The following ARB2A variants were observed in gnomAD, a reference collection of about 807,000 sequenced individuals.
The protein encoded by ARB2A is ARB2 cotranscriptional regulator A.
the ARB2A span, among the ~76,000 whole-genome samples, chr5:94,062,459 C>G: frequency 6.6e-6 from 1 of 152,154 alleles, no homozygotes; most frequent in Non-Finnish European, 1.5e-5. Context: ...AGGCAACCTG[C>G]TTAGCTGAGA....
At chr5:93,955,564 T>C in the ARB2A span, among the ~76,000 whole-genome samples, 6 of 152,234 alleles carry the variant, frequency 3.9e-5, no homozygotes, top group Non-Finnish European at 7.4e-5. Context: ...TTATTAAAAC[T>C]AATACCTAGA....
chr5:93,873,215 C>T, the ARB2A span, among the ~76,000 whole-genome samples: 1 of 150,208 alleles, frequency 6.7e-6, no homozygotes, highest in Non-Finnish European at 1.5e-5. Context: ...TTGCTTGAGG[C>T]CAGGAGTTCT....
At chr5:93,854,772 G>T in the ARB2A span, among the ~76,000 whole-genome samples, 1 of 152,192 alleles carries the variant, frequency 6.6e-6, no homozygotes, top group African/African-American at 2.4e-5. Flanking sequence ...GCAGTTTTGA[G>T]TGAGTTTCTT....
chr5:94,053,565 T>C, the ARB2A span, among the ~76,000 whole-genome samples: 64 of 152,326 alleles, frequency 4.2e-4, no homozygotes, highest in Admixed American at 4.2e-3. Context: ...TCAAAAGTCA[T>C]CAAATCTTAT....
At chr5:93,857,884 T>C in the ARB2A span, among the ~76,000 whole-genome samples, 1 of 152,018 alleles carries the variant, frequency 6.6e-6, no homozygotes, top group Non-Finnish European at 1.5e-5. Flanking sequence ...GCGTCGCTCA[T>C]GCTGGGAGCT....
chr5:93,621,606 G>C, the ARB2A span, among the ~76,000 whole-genome samples: 2 of 152,346 alleles, frequency 1.3e-5, no homozygotes, highest in Admixed American at 1.3e-4. Context: ...GCGGGGATTG[G>C]TTTCCCCTGC....
the ARB2A span, among the ~76,000 whole-genome samples, chr5:93,717,090 T>C: frequency 6.6e-6 from 1 of 152,196 alleles, no homozygotes; most frequent in African/African-American, 2.4e-5. Context: ...TTTTGGAGAC[T>C]TTTTTTCTAA....
At chr5:94,081,607 T>C in the ARB2A span, among the ~76,000 whole-genome samples, 1 of 152,128 alleles carries the variant, frequency 6.6e-6, no homozygotes, top group Admixed American at 6.6e-5. Flanking sequence ...AAACCACACA[T>C]ATTGTACGAT....
At chr5:93,683,178 A>G in the ARB2A span, 8 of 1,323,044 alleles carry the variant, frequency 6.0e-6, no homozygotes, top group Non-Finnish European at 7.5e-6. Flanking sequence ...TCATCATCAA[A>G]ATCATCATCA....
At chr5:93,712,565 TA>T in the ARB2A span, among the ~76,000 whole-genome samples, 3 of 152,092 alleles carry the variant, frequency 2.0e-5, no homozygotes, top group Non-Finnish European at 4.4e-5. Flanking sequence ...AAGATTCTAT[TA>T]AAAAAATCTA....
chr5:94,055,732 G>A, the ARB2A span: 1 of 985,310 alleles, frequency 1.0e-6, no homozygotes. Context: ...TAGCCAGAAT[G>A]TTCTCATTTT....
chr5:93,986,760 T>C, the ARB2A span, among the ~76,000 whole-genome samples: 1 of 152,230 alleles, frequency 6.6e-6, no homozygotes, highest in Non-Finnish European at 1.5e-5. Flanking sequence ...CAACTCAGGG[T>C]TAAATGGATT....
At chr5:93,778,238 A>G in the ARB2A span, among the ~76,000 whole-genome samples, 1 of 152,216 alleles carries the variant, frequency 6.6e-6, no homozygotes, top group African/African-American at 2.4e-5. Context: ...TAAAAGAAAT[A>G]GGGTTTTAGA....
the ARB2A span, among the ~76,000 whole-genome samples, chr5:94,050,088 C>A: frequency 6.6e-6 from 1 of 151,806 alleles, no homozygotes; most frequent in African/African-American, 2.4e-5. Context: ...TATAGGCACA[C>A]ACCACTATTT....
chr5:93,712,564 T>A, the ARB2A span, among the ~76,000 whole-genome samples: 1 of 152,272 alleles, frequency 6.6e-6, no homozygotes, highest in South Asian at 2.1e-4. Context: ...AAAGATTCTA[T>A]TAAAAAAATC....
At chr5:93,955,379 A>G in the ARB2A span, among the ~76,000 whole-genome samples, 7 of 152,198 alleles carry the variant, frequency 4.6e-5, no homozygotes, top group African/African-American at 1.7e-4. Context: ...CCACCATGTT[A>G]TGGAAGCCAA....
At chr5:93,854,308 C>T in the ARB2A span, among the ~76,000 whole-genome samples, 3 of 152,120 alleles carry the variant, frequency 2.0e-5, no homozygotes, top group Admixed American at 2.0e-4. Flanking sequence ...GTGGCATCCC[C>T]TTTATCATTT....
the ARB2A span, among the ~76,000 whole-genome samples, chr5:93,839,149 C>T: frequency 4.3e-4 from 66 of 152,254 alleles, 1 homozygote; most frequent in East Asian, 0.013. Context: ...CAGCTTTTGC[C>T]CATTCAGTAT....
At chr5:94,098,698 T>C in the ARB2A span, among the ~76,000 whole-genome samples, 1 of 152,050 alleles carries the variant, frequency 6.6e-6, no homozygotes, top group East Asian at 1.9e-4. Context: ...AAGGAGTTGA[T>C]TTTTTGAAAA....
Sources: gnomAD v4.1 joint callset for allele counts (sites outside exome capture counted in the v4.1 genomes callset) on GRCh38, gnomAD v4.1.1 for gene constraint, MANE v1.5 for transcripts, NCBI Gene and HGNC (gene_info 2026-07-23, HGNC 2026-07-21) for gene names.